The following NPAS3 variants were observed in gnomAD, a reference collection of about 807,000 sequenced individuals.
The protein encoded by NPAS3 is neuronal PAS domain protein 3.
NPAS3 carries 14 observed loss-of-function variants against 73.1 expected under a neutral mutation model. That is an observed-to-expected ratio of 0.19 (90% CI 0.13 to 0.30). NPAS3 has a LOEUF of 0.30. Ranked by LOEUF, NPAS3 falls within the 10% of genes least tolerant of loss-of-function variation. The pLI, the probability that NPAS3 is intolerant of heterozygous loss-of-function variation, is 1.00. For synonymous variants in NPAS3, 620 were observed against 541.5 expected, an observed-to-expected ratio of 1.14 and a Z score of -2.01; for missense variants, 1,096 against 1,250.0, an observed-to-expected ratio of 0.88 and a Z score of 1.86.
chr14:33,165,486 A>C (rs1206874933), intron 2 of NPAS3, among the ~76,000 whole-genome samples: 1 of 152,112 alleles, frequency 6.6e-6, no homozygotes, highest in Non-Finnish European at 1.5e-5. Context: ...GGCTAATGTG[A>C]GGAGCTGTGC....
intron 8 of NPAS3, among the ~76,000 whole-genome samples, chr14:33,777,769 C>T (rs1163588530): frequency 3.3e-5 from 5 of 152,182 alleles, no homozygotes; most frequent in Non-Finnish European, 4.4e-5. Context: ...GACGTCTGGA[C>T]AGTCAGTGAC....
At chr14:33,784,049 A>G (rs1278623516) in intron 9 of NPAS3, among the ~76,000 whole-genome samples, 1 of 152,224 alleles carries the variant, frequency 6.6e-6, no homozygotes. Context: ...GAATAGGATT[A>G]AGAAGCTGAC....
At position 33,776,319 on chromosome 14, in the gene NPAS3, A is replaced by T. The variant is rs188122423; in HGVS notation, c.1046+1789A>T. 5.6e-3 allele frequency among the ~76,000 whole-genome samples: 851 copies of T among 151,972 alleles called. 9 individuals carry two copies. The highest frequency in any genetic ancestry group is 8.4e-3 in the Non-Finnish European group (571 of 67,930). ...AGCTCCCTTGATTTAGCTACCAGCCACCTCTCCCTCCAAAGAACAGGGCCT... is the reference window on the plus strand; with the variant it reads ...AGCTCCCTTGATTTAGCTACCAGCCTCCTCTCCCTCCAAAGAACAGGGCCT... On this transcript the variant is annotated intron_variant, in intron 8 of 11. Transcript: ENST00000356141.
intron 3 of NPAS3, among the ~76,000 whole-genome samples, chr14:33,256,790 A>G (rs12589532): frequency 0.032 from 4,915 of 152,262 alleles, 206 homozygotes; most frequent in East Asian, 0.22. Context: ...CATAATCTTA[A>G]TGTCAATATT....
At chr14:33,550,155 C>T (rs1013202323) in intron 4 of NPAS3, among the ~76,000 whole-genome samples, 1 of 152,072 alleles carries the variant, frequency 6.6e-6, no homozygotes, top group East Asian at 1.9e-4. Flanking sequence ...TACAGCCAAG[C>T]ACCACTGTTG....
intron 1 of NPAS3, among the ~76,000 whole-genome samples, chr14:33,055,053 G>A (rs775199985): frequency 2.0e-5 from 3 of 152,116 alleles, no homozygotes; most frequent in East Asian, 1.9e-4. Context: ...ATTGGTACTC[G>A]TACTGATATT....
At chr14:33,085,730 A>T (rs1245985128) in intron 2 of NPAS3, among the ~76,000 whole-genome samples, 1 of 152,150 alleles carries the variant, frequency 6.6e-6, no homozygotes, top group Non-Finnish European at 1.5e-5. Flanking sequence ...TCATTTTTTA[A>T]ATATAGTAAG....
At chr14:33,738,028 T>C (rs1813529838) in intron 7 of NPAS3, among the ~76,000 whole-genome samples, 1 of 152,202 alleles carries the variant, frequency 6.6e-6, no homozygotes, top group South Asian at 2.1e-4. Context: ...TATCTGTTGT[T>C]GTCGTCATAG....
chr14:33,172,168 C>A (rs886145892), intron 2 of NPAS3, among the ~76,000 whole-genome samples: 1 of 152,004 alleles, frequency 6.6e-6, no homozygotes, highest in Admixed American at 6.6e-5. Context: ...AATGAATTAC[C>A]AAAATGTGAC....
chr14:33,322,733 G>A (rs1310418998), intron 3 of NPAS3, among the ~76,000 whole-genome samples: 1 of 152,042 alleles, frequency 6.6e-6, no homozygotes, highest in African/African-American at 2.4e-5. Context: ...TACAGTAGGT[G>A]AACCAAAAAC....
intron 4 of NPAS3, among the ~76,000 whole-genome samples, chr14:33,484,159 T>A (rs2051465488): frequency 6.6e-6 from 1 of 152,082 alleles, no homozygotes; most frequent in South Asian, 2.1e-4. Flanking sequence ...CAATAGATTC[T>A]AGGGAGGAAA....
intron 4 of NPAS3, among the ~76,000 whole-genome samples, chr14:33,480,940 G>A (rs554595331): frequency 2.6e-5 from 4 of 152,156 alleles, no homozygotes; most frequent in Admixed American, 6.5e-5. Context: ...GGGGAGAATA[G>A]GAGAGGAGGG....
intron 5 of NPAS3, among the ~76,000 whole-genome samples, chr14:33,667,036 A>G (rs2059470674): frequency 6.6e-6 from 1 of 152,258 alleles, no homozygotes; most frequent in Non-Finnish European, 1.5e-5. Flanking sequence ...ACAAGTGAGA[A>G]GAATTTCAAT....
intron 1 of NPAS3, among the ~76,000 whole-genome samples, chr14:32,955,813 C>T (rs752976146): frequency 1.6e-4 from 24 of 151,970 alleles, no homozygotes; most frequent in Non-Finnish European, 8.8e-5. Flanking sequence ...CATAACATAC[C>T]CCATGATCTC....
At chr14:33,129,124 T>C (rs760324506) in intron 2 of NPAS3, among the ~76,000 whole-genome samples, 11 of 152,070 alleles carry the variant, frequency 7.2e-5, no homozygotes, top group Non-Finnish European at 1.5e-4. Context: ...GATGTGGTGG[T>C]GGAAAAGTTA....
At chr14:33,696,768 TA>T (rs1339622890) in intron 6 of NPAS3, among the ~76,000 whole-genome samples, 1 of 152,200 alleles carries the variant, frequency 6.6e-6, no homozygotes, top group Non-Finnish European at 1.5e-5. Flanking sequence ...GAAAATTCAG[TA>T]TGTTTTGTTT....
intron 1 of NPAS3, among the ~76,000 whole-genome samples, chr14:32,949,346 A>G (rs2036392013): frequency 6.6e-6 from 1 of 152,134 alleles, no homozygotes; most frequent in Non-Finnish European, 1.5e-5. Context: ...GTGTAGGTCA[A>G]TGAGGATGAT....
At chr14:33,029,982 A>C (rs1241555463) in intron 1 of NPAS3, among the ~76,000 whole-genome samples, 1 of 152,216 alleles carries the variant, frequency 6.6e-6, no homozygotes, top group Non-Finnish European at 1.5e-5. Context: ...CTGTTGATTC[A>C]AGTGGTCTTA....
intron 2 of NPAS3, among the ~76,000 whole-genome samples, chr14:33,202,271 T>G (rs1247594531): frequency 2.6e-5 from 4 of 151,948 alleles, no homozygotes; most frequent in Non-Finnish European, 5.9e-5. Flanking sequence ...GGTGTGGTAG[T>G]GCACACCTAG....
Sources: gnomAD v4.1 joint callset for allele counts (sites outside exome capture counted in the v4.1 genomes callset) on GRCh38, gnomAD v4.1.1 for gene constraint, MANE v1.5 for transcripts, NCBI Gene and HGNC (gene_info 2026-07-23, HGNC 2026-07-21) for gene names.